E2F7: variants seen among roughly 807,000 people sequenced by gnomAD.
E2F7 encodes the protein transcription factor E2F7.
A neutral mutation model predicts 81.1 loss-of-function variants in E2F7; 35 were observed. That is an observed-to-expected ratio of 0.43 (90% confidence interval 0.33 to 0.57). The LOEUF (loss-of-function observed/expected upper bound fraction) is 0.57, where lower values mean the gene tolerates loss of function less well. Among genes scored for constraint, E2F7 ranks in the 20% least tolerant of loss-of-function variants. The pLI, the probability that E2F7 is intolerant of heterozygous loss-of-function variation, is 0.04. For missense variants in E2F7, 961 were observed against 1,093.7 expected, an observed-to-expected ratio of 0.88 and a Z score of 1.71; for synonymous variants, 416 against 416.2, an observed-to-expected ratio of 1.00 and a Z score of 0.01.
At position 77,061,285 on chromosome 12, in the gene E2F7, A is replaced by G. The variant is rs148260358; in HGVS notation, c.93+3258T>C. On this transcript the variant is annotated intron_variant, in intron 2 of 12. Transcript: ENST00000322886. ...TTTACCTATAAACCACACAGGTACA[A>G]ACATATTCCAAACTGAACTCACCTT... Among the ~76,000 whole-genome samples the G allele has an allele frequency of 3.3e-5, 5 of 152,302 alleles. No individual in the cohort carries two copies. In the East Asian group the frequency reaches 9.6e-4, roughly 29 times the overall value.
At position 77,028,052 on chromosome 12, in the gene E2F7, G is replaced by C; in HGVS notation, c.1971C>G (p.Gly657=). 6.2e-7 allele frequency: 1 copy of C among 1,614,204 alleles called. No homozygotes were observed. The highest frequency in any genetic ancestry group is 8.5e-7 in the Non-Finnish European group (1 of 1,180,040). ...AAATCTCTTCTGCAGCAGGGAGTTGGCCATTCACATGAATGTCTTTGAGGG... is the reference window on the plus strand; with the variant it reads ...AAATCTCTTCTGCAGCAGGGAGTTGCCCATTCACATGAATGTCTTTGAGGG... The part of the protein sequence containing the change: ...SIPLKDIHVN[G]QLPAAEEISG... Residue 657 remains glycine (G), a synonymous_variant, in exon 11 of 13, where the codon GGC becomes GGG. Transcript: ENST00000322886.
intron 4 of E2F7, among the ~76,000 whole-genome samples, chr12:77,047,043 G>A (rs1052120114): frequency 4.6e-5 from 7 of 152,184 alleles, no homozygotes; most frequent in East Asian, 1.9e-4. Flanking sequence ...ACCGTAACCC[G>A]GCAAACAGCC....
chr12:77,034,400 T>C (rs547789453), intron 7 of E2F7, among the ~76,000 whole-genome samples: 1 of 152,356 alleles, frequency 6.6e-6, no homozygotes, highest in East Asian at 1.9e-4. Context: ...CCGACCATGC[T>C]CAGCCCAACA....
At chr12:77,053,047 GT>G (rs1409978154) in intron 3 of E2F7, among the ~76,000 whole-genome samples, 1 of 152,110 alleles carries the variant, frequency 6.6e-6, no homozygotes, top group Non-Finnish European at 1.5e-5. Context: ...GTGACTAAAA[GT>G]TTATATATTT....
chr12:77,037,724 G>C (rs1418935578), intron 7 of E2F7, among the ~76,000 whole-genome samples: 1 of 151,912 alleles, frequency 6.6e-6, no homozygotes, highest in Non-Finnish European at 1.5e-5. Flanking sequence ...AAATCCAAAA[G>C]AAAGAAAAAG....
At chr12:77,055,554 T>C (rs1955024977) in intron 3 of E2F7, among the ~76,000 whole-genome samples, 1 of 152,052 alleles carries the variant, frequency 6.6e-6, no homozygotes, top group African/African-American at 2.4e-5. Context: ...AAAATTAAAA[T>C]TCACAGCAGC....
chr12:77,037,447 A>G (rs1464114458), intron 7 of E2F7, among the ~76,000 whole-genome samples: 1 of 152,230 alleles, frequency 6.6e-6, no homozygotes, highest in East Asian at 1.9e-4. Flanking sequence ...AAACAAAAAA[A>G]CCCCAGTAAC....
chr12:77,036,131 A>C (rs535981237), intron 7 of E2F7, among the ~76,000 whole-genome samples: 177 of 152,300 alleles, frequency 1.2e-3, no homozygotes, highest in African/African-American at 4.2e-3. Context: ...AATGGCCGAA[A>C]ATTTGCCAAA....
rs1162034162 is a variant in E2F7, at chr12:77,052,063, A to C, written c.370-1319T>G. On this transcript the variant is annotated intron_variant, in intron 3 of 12. Coordinates refer to ENST00000322886, the MANE Select transcript of E2F7 (RefSeq NM_203394.3). ...AGACATCATTTACGAAAGCAACAAA[A>C]ATGATAAGGATTTTAGAAATAAATC... Among the ~76,000 whole-genome samples, 9 of 152,368 alleles carry C rather than the reference A, an allele frequency of 5.9e-5. No individual in the cohort carries two copies. The East Asian group carries it at 1.5e-3, about 26-fold the overall frequency.
At chr12:77,052,033 T>C (rs1954993591) in intron 3 of E2F7, among the ~76,000 whole-genome samples, 1 of 152,102 alleles carries the variant, frequency 6.6e-6, no homozygotes, top group Admixed American at 6.6e-5. Flanking sequence ...GCAAATAAAT[T>C]GAAAAGACAT....
At position 77,030,278 on chromosome 12, in the gene E2F7, A is replaced by T. The variant is rs376079186; in HGVS notation, c.1437T>A (p.Pro479=). The T allele has an allele frequency of 1.9e-6, 3 of 1,602,034 alleles. No homozygotes were observed. Among genetic ancestry groups the T allele is most frequent in the Non-Finnish European group, 2.6e-6 (3 of 1,172,808 alleles). Residue 479 remains proline, a synonymous_variant, in exon 10 of 13, where the codon CCT becomes CCA. Coordinates refer to ENST00000322886, the MANE Select transcript of E2F7 (RefSeq NM_203394.3). ...RVVPPSSSLD[P]VAPFPVLSVD... The stretch of plus-strand genomic sequence containing the variant: ...CAGAGAGGACAGGGAAAGGAGCAAC[A>T]GGGTCCAAGCTGCTTGATGGAGGCA...
intron 7 of E2F7, among the ~76,000 whole-genome samples, chr12:77,038,791 G>A (rs777099593): frequency 1.3e-5 from 2 of 152,160 alleles, no homozygotes; most frequent in Admixed American, 6.5e-5. Flanking sequence ...ATTGTAATCT[G>A]TAGTTAAAAA....
chr12:77,046,037 C>G lies in E2F7; in HGVS notation c.829+1G>C. 2 of 1,612,508 alleles carry G rather than the reference C, an allele frequency of 1.2e-6. No homozygotes were observed. Among genetic ancestry groups the G allele is most frequent in the Non-Finnish European group, 1.7e-6 (2 of 1,179,182 alleles). On this transcript the variant is annotated splice_donor_variant, in intron 5 of 12. Coordinates refer to ENST00000322886, the MANE Select transcript of E2F7 (RefSeq NM_203394.3). LOFTEE classifies it high-confidence loss of function. ...TACTCATGAAGTTACAATGGACTCA[C>G]AAGAGGGACAGTCGGGTTCAGAGAA...
At chr12:77,024,372 T>C (rs1954741644) in intron 12 of E2F7, among the ~76,000 whole-genome samples, 187 bp from the exon 13 acceptor site, 1 of 152,136 alleles carries the variant, frequency 6.6e-6, no homozygotes, top group Non-Finnish European at 1.5e-5. Context: ...AATTCATATT[T>C]GTTGTTTTGG....
At chr12:77,040,834 A>G (rs1435030791) in intron 7 of E2F7, among the ~76,000 whole-genome samples, 1 of 152,230 alleles carries the variant, frequency 6.6e-6, no homozygotes, top group Non-Finnish European at 1.5e-5. Flanking sequence ...CATTTATTGC[A>G]TATCAATGAT....
intron 2 of E2F7, among the ~76,000 whole-genome samples, chr12:77,058,014 C>T (rs1429731666): frequency 1.4e-4 from 21 of 152,154 alleles, no homozygotes; most frequent in Admixed American, 1.4e-3. Flanking sequence ...GCAACTCTTG[C>T]TCCTTGGATC....
At chr12:77,046,467 T>A (rs1954943785) in intron 4 of E2F7, 139 bp from the exon 5 acceptor site, 1 of 879,754 alleles carries the variant, frequency 1.1e-6, no homozygotes, top group Non-Finnish European at 1.7e-6. Context: ...GCTCAAGGAA[T>A]TCAACCTGTA....
chr12:77,032,762 A>C (rs531165156), intron 9 of E2F7, among the ~76,000 whole-genome samples: 16 of 152,302 alleles, frequency 1.1e-4, no homozygotes, highest in African/African-American at 3.8e-4. Flanking sequence ...TGGAACTCTG[A>C]TACTTCATTT....
chr12:77,052,152 GA>G (rs2120729455), intron 3 of E2F7, among the ~76,000 whole-genome samples: 1 of 152,246 alleles, frequency 6.6e-6, no homozygotes, highest in Non-Finnish European at 1.5e-5. Context: ...AAAATTTAGT[GA>G]AATATATTGT....
Sources: allele counts gnomAD v4.1 joint callset (sites outside exome capture counted in the v4.1 genomes callset), GRCh38; gene constraint gnomAD v4.1.1; transcripts MANE v1.5; gene names NCBI Gene and HGNC (gene_info 2026-07-23, HGNC 2026-07-21).